Variants in MYO10 observed in about 807,000 individuals in gnomAD.
MYO10 encodes myosin X.
In MYO10, 133 loss-of-function variants were observed where a neutral mutation model predicts 257.3. The ratio of observed to expected loss-of-function variants is 0.52; its 90% confidence interval spans 0.45 to 0.60. MYO10 has a LOEUF of 0.60. MYO10 is among the 20% of genes least tolerant of loss of function. The pLI, the probability that MYO10 is intolerant of heterozygous loss-of-function variation, is 0.00. For missense variants in MYO10, 2,399 were observed against 2,635.7 expected (o/e 0.91, Z 1.97); for synonymous variants, 1,104 against 1,028.6 (o/e 1.07, Z -1.40).
chr5:16,902,649 G>A lies in MYO10; in HGVS notation c.22-24942C>T, dbSNP rs373009672. The A allele has an allele frequency of 6.0e-4, 811 of 1,345,992 alleles. 9 individuals are homozygous for A. In the South Asian group the frequency reaches 8.9e-3, roughly 15 times the overall value. The allele number at this position is 1,345,992 out of a possible 1,614,324, so 83.4% of individuals were successfully genotyped here. A position where few individuals can be genotyped will look rare whatever the true frequency, so the allele number is the denominator to read the frequency against. ...CCTTCTTTTCTTTGTCATCTTGGAA[G>A]CATGGACCGGAGAGAGGCCCGGCTA... On this transcript the variant is annotated intron_variant, in intron 1 of 40. Transcript: ENST00000513610.
intron 3 of MYO10, among the ~76,000 whole-genome samples, chr5:16,806,629 C>A (rs1490892738): frequency 7.1e-6 from 1 of 141,746 alleles, no homozygotes; most frequent in Non-Finnish European, 1.5e-5. Context: ...ACCTGGGCGA[C>A]AGAGCAAGAC....
intron 2 of MYO10, among the ~76,000 whole-genome samples, chr5:16,824,303 G>A (rs373130030): frequency 2.6e-5 from 4 of 151,814 alleles, no homozygotes; most frequent in Admixed American, 1.3e-4. Flanking sequence ...TCTCCTTCCC[G>A]CCCCCGCCAC....
intron 4 of MYO10, 103 bp downstream of exon 4, chr5:16,794,543 G>T (rs1579998254): frequency 8.7e-7 from 1 of 1,148,680 alleles, no homozygotes; most frequent in Non-Finnish European, 1.2e-6. Flanking sequence ...TCAGGCGGTT[G>T]TAAAAGCTTC....
intron 1 of MYO10, among the ~76,000 whole-genome samples, chr5:16,896,662 A>C (rs1318651119): frequency 6.6e-6 from 1 of 152,192 alleles, no homozygotes; most frequent in Non-Finnish European, 1.5e-5. Flanking sequence ...TTACAGCAGA[A>C]TCAGACAGTA....
At chr5:16,898,077 CTGGACCAAG>C (rs1463656612) in intron 1 of MYO10, among the ~76,000 whole-genome samples, 1 of 152,118 alleles carries the variant, frequency 6.6e-6, no homozygotes, top group Admixed American at 6.6e-5. Flanking sequence ...GTCCCAGCAG[CTGGACCAAG>C]TATGGACAGT....
chr5:16,877,480 T>C lies in MYO10; in HGVS notation c.120+129A>G, dbSNP rs181797106. ...TACATTCTACATTCCCACTGGGATTTTGAATTATCACTTAGGAAAAAAATG... is the reference window on the plus strand; with the variant it reads ...TACATTCTACATTCCCACTGGGATTCTGAATTATCACTTAGGAAAAAAATG... On this transcript the variant is annotated intron_variant, in intron 2 of 40. Transcript: ENST00000513610. The C allele has an allele frequency of 4.9e-3, 3,287 of 667,032 alleles. 17 individuals carry two copies. Among genetic ancestry groups the C allele is most frequent in the Non-Finnish European group, 5.7e-3 (2,198 of 384,288 alleles). 41.3% of individuals were successfully genotyped at this position (667,032 alleles called of 1,614,324 possible).
Position 16,763,403 on chromosome 5 carries a change from G to A in MYO10, c.1494+78C>T, listed in dbSNP as rs1398524097. On this transcript the variant is annotated intron_variant, in intron 14 of 40. Coordinates refer to ENST00000513610, the MANE Select transcript of MYO10 (RefSeq NM_012334.3). ...ATCGTTGATGTGCGTGTTCGTGCAC[G>A]TTATTTTGTTCCCATAAATATGAAT... is the stretch of plus-strand genomic sequence containing the variant. The A allele has an allele frequency of 1.4e-5, 16 of 1,125,192 alleles. No individual in the cohort carries two copies. In the East Asian group the frequency reaches 2.1e-4, roughly 15 times the overall value. The allele number at this position is 1,125,192 out of a possible 1,614,324, so 69.7% of individuals were successfully genotyped here. A position where few individuals can be genotyped will look rare whatever the true frequency, so the allele number is the denominator to read the frequency against.
In MYO10 at chr5:16,818,111, G is replaced by A. The variant is rs568725716; in HGVS notation, c.177C>T (p.Pro59=). The part of the protein sequence containing the change: ...ITHQKVTAMH[P]TNEEGVDDMA... ...TGTCATCCACGCCCTCCTCGTTCGT[G>A]GGGTGCATAGCAGTCACCTTCTGGT... is the stretch of plus-strand genomic sequence containing the variant. Residue 59 remains proline (P), a synonymous_variant, in exon 3 of 41, where the codon CCC becomes CCT. Coordinates refer to ENST00000513610, the MANE Select transcript of MYO10 (RefSeq NM_012334.3). 14 of 1,612,112 alleles carry A rather than the reference G, an allele frequency of 8.7e-6. No individual in the cohort carries two copies. In the African/African-American group the frequency reaches 1.5e-4, roughly 17 times the overall value.
chr5:16,689,470 GA>G (rs1474255035), intron 28 of MYO10, among the ~76,000 whole-genome samples: 1 of 151,880 alleles, frequency 6.6e-6, no homozygotes, highest in Non-Finnish European at 1.5e-5. Flanking sequence ...AAACACAAAT[GA>G]TTCACTTTCA....
At chr5:16,828,263 C>T (rs1181379408) in intron 2 of MYO10, among the ~76,000 whole-genome samples, 1 of 151,988 alleles carries the variant, frequency 6.6e-6, no homozygotes, top group Non-Finnish European at 1.5e-5. Flanking sequence ...ACAAAGAGAA[C>T]GTGGTGTGAT....
chr5:16,709,361 G>A (rs1341411608), intron 21 of MYO10, among the ~76,000 whole-genome samples: 1 of 152,162 alleles, frequency 6.6e-6, no homozygotes, highest in Admixed American at 6.5e-5. Context: ...CTGAGTGGGG[G>A]TGCAATCTGG....
intron 1 of MYO10, among the ~76,000 whole-genome samples, chr5:16,932,317 A>G (rs1003083029): frequency 1.3e-5 from 2 of 152,122 alleles, no homozygotes; most frequent in African/African-American, 2.4e-5. Flanking sequence ...GGAAACAGAA[A>G]GGTCAATTTC....
chr5:16,723,641 G>A (rs903662206), intron 19 of MYO10, among the ~76,000 whole-genome samples: 2 of 152,102 alleles, frequency 1.3e-5, no homozygotes, highest in Non-Finnish European at 2.9e-5. Context: ...AAAAACTTAC[G>A]TCCACACAAA....
At chr5:16,773,032 T>A (rs1312449216) in intron 9 of MYO10, among the ~76,000 whole-genome samples, 1 of 152,188 alleles carries the variant, frequency 6.6e-6, no homozygotes, top group Non-Finnish European at 1.5e-5. Flanking sequence ...TTCACTGAAA[T>A]GTATACTTTA....
At chr5:16,806,525 G>A (rs954241669) in intron 3 of MYO10, among the ~76,000 whole-genome samples, 14 of 151,852 alleles carry the variant, frequency 9.2e-5, no homozygotes, top group Middle Eastern at 3.4e-3. Flanking sequence ...CGCCTACTAC[G>A]TAGTCCCAGC....
intron 19 of MYO10, among the ~76,000 whole-genome samples, chr5:16,744,868 T>C (rs1299617119): frequency 6.6e-6 from 1 of 152,022 alleles, no homozygotes; most frequent in Non-Finnish European, 1.5e-5. Flanking sequence ...AATTCCGAGA[T>C]AAAATTATGC....
chr5:16,882,352 G>C (rs1387393425), intron 1 of MYO10, among the ~76,000 whole-genome samples: 1 of 152,036 alleles, frequency 6.6e-6, no homozygotes, highest in Non-Finnish European at 1.5e-5. Context: ...AAATGGTTTG[G>C]CAATTTCTTA....
intron 19 of MYO10, among the ~76,000 whole-genome samples, chr5:16,715,583 AGC>A (rs1392464091): frequency 1.7e-5 from 1 of 59,818 alleles, no homozygotes; most frequent in Non-Finnish European, 4.1e-5. Flanking sequence ...TACAGGCATG[AGC>A]CACCTCACCC....
intron 2 of MYO10, chr5:16,854,240 G>C (rs1194769174): frequency 6.6e-6 from 1 of 152,260 alleles, no homozygotes; most frequent in East Asian, 1.9e-4. Flanking sequence ...AATGCTGTAA[G>C]AATTAGTCAC....
Sources: gnomAD v4.1 joint callset for allele counts (sites outside exome capture counted in the v4.1 genomes callset) on GRCh38, gnomAD v4.1.1 for gene constraint, MANE v1.5 for transcripts, NCBI Gene and HGNC (gene_info 2026-07-23, HGNC 2026-07-21) for gene names.